The following SYT7 variants were observed in gnomAD, a reference collection of about 807,000 sequenced individuals.
SYT7 encodes synaptotagmin 7.
A neutral mutation model predicts 75.1 loss-of-function variants in SYT7; 29 were observed. That is an observed-to-expected ratio of 0.39 (90% CI 0.29 to 0.53). The LOEUF (loss-of-function observed/expected upper bound fraction) is 0.53, where lower values mean the gene tolerates loss of function less well. Among genes scored for constraint, SYT7 ranks in the 20% least tolerant of loss-of-function variants. SYT7 has a pLI of 0.77. For synonymous variants in SYT7, 376 were observed against 401.7 expected, an observed-to-expected ratio of 0.94 and a Z score of 0.76; for missense variants, 693 against 953.2, an observed-to-expected ratio of 0.73 and a Z score of 3.59.
rs2063076518 is a variant in SYT7 at position 61,542,620 on chromosome 11, T to C, written c.573-41A>G. Reference sequence around the variant, plus strand: ...GGAGAGGAGAGAAAGGAGAAGCAGATGAAGGGATCACAGTGGAAGAGAAAG... The same window carrying C: ...GGAGAGGAGAGAAAGGAGAAGCAGACGAAGGGATCACAGTGGAAGAGAAAG... On this transcript the variant is annotated intron_variant, in intron 5 of 12. Coordinates refer to ENST00000539008, the MANE Select transcript of SYT7 (RefSeq NM_001365809.2). This position sits in a 1 kb window ranked among gnomAD's most constrained non-coding sequence, Gnocchi z 7.8. 3 of 1,456,690 alleles carry C rather than the reference T, an allele frequency of 2.1e-6. No individual in the cohort carries two copies. The highest frequency in any genetic ancestry group is 2.7e-6 in the Non-Finnish European group (3 of 1,107,608). The allele number at this position is 1,456,690 out of a possible 1,614,324, so 90.2% of individuals were successfully genotyped here.
At chr11:61,538,796 G>T (rs538290258) in intron 6 of SYT7, among the ~76,000 whole-genome samples, 1 of 152,176 alleles carries the variant, frequency 6.6e-6, no homozygotes, top group Non-Finnish European at 1.5e-5. Context: ...CACCGGCACC[G>T]CGCAGGCTTT....
rs1003179113 is a variant in SYT7, at chr11:61,542,570, G to C, written c.582C>G (p.Asp194Glu). 4.7e-6 allele frequency: 7 copies of C among 1,500,306 alleles called. No individual in the cohort carries two copies. The highest frequency in any genetic ancestry group is 6.2e-6 in the Non-Finnish European group (7 of 1,127,430). 92.9% of individuals were successfully genotyped at this position (1,500,306 alleles called of 1,614,324 possible). A position where few individuals can be genotyped will look rare whatever the true frequency, so the allele number is the denominator to read the frequency against. Residue 194 changes from aspartate to glutamate, a missense_variant, in exon 6 of 13, where the codon GAC becomes GAG. Asp to Glu is a conservative substitution (Grantham distance 45). Around this residue, in one of 2 missense-constraint regions of SYT7, gnomAD observed 487 missense variants for 593.2 expected, o/e 0.82. Transcript: ENST00000539008. The surrounding 1 kb of genome is among the most constrained non-coding windows in gnomAD (Gnocchi z 7.8). ...GGGTAGTGGCCGTGGACAGGGTGGA[G>C]TCCTCGAAACTTGGGGCAGGTGGAG... ...AGKLNLSNFE[D>E]STLSTATTLE...
At chr11:61,584,320 G>A (rs557066969), upstream of SYT7, among the ~76,000 whole-genome samples, 1 of 151,752 alleles carries the variant, frequency 6.6e-6, no homozygotes, top group Non-Finnish European at 1.5e-5. Flanking sequence ...GCTTGAACCC[G>A]GGAGGTGGAG....
At chr11:61,582,323 A>G (rs2064296731), upstream of SYT7, among the ~76,000 whole-genome samples, 2 of 152,146 alleles carry the variant, frequency 1.3e-5, no homozygotes, top group Non-Finnish European at 2.9e-5. Flanking sequence ...GTCAAGGATT[A>G]TTATTTCCAC....
chr11:61,517,853 C>G lies in SYT7; in HGVS notation c.*774G>C, dbSNP rs72914250. The G allele has an allele frequency of 7.5e-5, 20 of 264,998 alleles. No individual in the cohort carries two copies. The highest frequency in any genetic ancestry group is 9.2e-5 in the African/African-American group (4 of 43,390). 16.4% of individuals were successfully genotyped at this position (264,998 alleles called of 1,614,324 possible). A position where few individuals can be genotyped will look rare whatever the true frequency, so the allele number is the denominator to read the frequency against. Reference sequence around the variant, plus strand: ...GCACCAAGGGGAGAAGGGGAGGAGACGGGGGGATGGCAGGAGGCAGCCCAG... The same window carrying G: ...GCACCAAGGGGAGAAGGGGAGGAGAGGGGGGGATGGCAGGAGGCAGCCCAG... On this transcript the variant is annotated 3_prime_UTR_variant, in exon 13 of 13. Transcript: ENST00000539008.
chr11:61,561,761 A>G (rs2063641241), intron 1 of SYT7, among the ~76,000 whole-genome samples: 1 of 152,152 alleles, frequency 6.6e-6, no homozygotes, highest in African/African-American at 2.4e-5. Flanking sequence ...AGCACCTACT[A>G]TATGCCACAC....
At chr11:61,575,905 C>T (rs556790404) in intron 1 of SYT7, among the ~76,000 whole-genome samples, 5 of 152,294 alleles carry the variant, frequency 3.3e-5, no homozygotes, top group South Asian at 2.1e-4. Context: ...CCCTTCCACC[C>T]GTGGGCTCAA....
Position 61,542,164 on chromosome 11 carries a change from G to A in SYT7, c.941+47C>T. 6.6e-7 allele frequency: 1 copy of A among 1,511,914 alleles called. No homozygotes were observed. Among genetic ancestry groups the A allele is most frequent in the South Asian group, 1.2e-5 (1 of 80,930 alleles). The allele number at this position is 1,511,914 out of a possible 1,614,324, so 93.7% of individuals were successfully genotyped here. A position where few individuals can be genotyped will look rare whatever the true frequency, so the allele number is the denominator to read the frequency against. On this transcript the variant is annotated intron_variant, in intron 6 of 12. Coordinates refer to ENST00000539008, the MANE Select transcript of SYT7 (RefSeq NM_001365809.2). This position sits in a 1 kb window ranked among gnomAD's most constrained non-coding sequence, Gnocchi z 7.8. ...CCCAAGGAGATCTGGGGGGCAGGAG[G>A]CTGGGTCAGGGAGGTGGGGGCCGGC...
At chr11:61,563,769 A>G (rs2063700273) in intron 1 of SYT7, among the ~76,000 whole-genome samples, 1 of 152,154 alleles carries the variant, frequency 6.6e-6, no homozygotes, top group African/African-American at 2.4e-5. Context: ...CCCTCCTACA[A>G]TCCTTTCTGC....
At chr11:61,582,128 A>C (rs2064292459), upstream of SYT7, among the ~76,000 whole-genome samples, 1 of 151,580 alleles carries the variant, frequency 6.6e-6, no homozygotes, top group Admixed American at 6.6e-5. Flanking sequence ...CCCCCCACAC[A>C]CACACCCACA....
At chr11:61,572,220 G>A (rs2063943347) in intron 1 of SYT7, among the ~76,000 whole-genome samples, 1 of 152,190 alleles carries the variant, frequency 6.6e-6, no homozygotes, top group Non-Finnish European at 1.5e-5. Context: ...TCCCCCATGA[G>A]TGAGAGGATC....
intron 12 of SYT7, among the ~76,000 whole-genome samples, chr11:61,519,054 TG>T (rs2062228299): frequency 6.6e-6 from 1 of 152,214 alleles, no homozygotes; most frequent in African/African-American, 2.4e-5. Flanking sequence ...CCCTATCTGT[TG>T]GGTGATGTCC....
At position 61,542,908 on chromosome 11, in the gene SYT7, G is replaced by A. The variant is rs1007228078; in HGVS notation, c.573-329C>T. On this transcript the variant is annotated intron_variant, in intron 5 of 12. Transcript: ENST00000539008. This position sits in a 1 kb window ranked among gnomAD's most constrained non-coding sequence, Gnocchi z 7.8. Reference sequence around the variant, plus strand: ...GCTGCGAGTGCTGCTGAGGCTGCGTGGTGAAGGCAGGTCCCCTGGGCCCTG... The same window carrying A: ...GCTGCGAGTGCTGCTGAGGCTGCGTAGTGAAGGCAGGTCCCCTGGGCCCTG... Among the ~76,000 whole-genome samples the A allele has an allele frequency of 1.2e-4, 19 of 152,198 alleles. No homozygotes were observed. The highest frequency in any genetic ancestry group is 4.3e-4 in the African/African-American group (18 of 41,456).
chr11:61,530,928 A>C, intron 8 of SYT7: 2 of 985,440 alleles, frequency 2.0e-6, no homozygotes, highest in Non-Finnish European at 2.4e-6. Flanking sequence ...CACCAGCAGA[A>C]GTCAGCCTCG....
At chr11:61,562,993 G>C (rs1235884013) in intron 1 of SYT7, among the ~76,000 whole-genome samples, 1 of 152,132 alleles carries the variant, frequency 6.6e-6, no homozygotes, top group Non-Finnish European at 1.5e-5. Context: ...AACGGGAGGG[G>C]GTGCCGCAGG....
chr11:61,555,737 G>A (rs536590754), intron 2 of SYT7, among the ~76,000 whole-genome samples: 1 of 152,148 alleles, frequency 6.6e-6, no homozygotes, highest in East Asian at 1.9e-4. Flanking sequence ...CAGTCTGCGC[G>A]TGTGTGCCTG....
At chr11:61,567,504 G>A (rs189092051) in intron 1 of SYT7, among the ~76,000 whole-genome samples, 58 of 152,304 alleles carry the variant, frequency 3.8e-4, no homozygotes, top group Admixed American at 3.6e-3. Context: ...TAGTGATTCC[G>A]CCTTCCTCTG....
chr11:61,520,366 A>T (rs1198274617), intron 12 of SYT7, among the ~76,000 whole-genome samples: 1 of 152,102 alleles, frequency 6.6e-6, no homozygotes, highest in Non-Finnish European at 1.5e-5. Flanking sequence ...TTTACAAAAA[A>T]TACAAAAAAA....
chr11:61,568,861 C>T (rs988457041), intron 1 of SYT7, among the ~76,000 whole-genome samples: 1 of 152,218 alleles, frequency 6.6e-6, no homozygotes, highest in Non-Finnish European at 1.5e-5. Context: ...GTGAAGTGGG[C>T]AGGGATGGCC....
Sources: allele counts gnomAD v4.1 joint callset (sites outside exome capture counted in the v4.1 genomes callset), GRCh38; gene constraint gnomAD v4.1.1; regional missense constraint gnomAD v4.1.1; non-coding constraint Gnocchi (gnomAD v3.1); transcripts MANE v1.5; gene names NCBI Gene and HGNC (gene_info 2026-07-23, HGNC 2026-07-21).